ARHGEF4: variants seen among roughly 807,000 people sequenced by gnomAD.
ARHGEF4 encodes APC-stimulated guanine nucleotide exchange factor 1.
Under a neutral mutation model 162.0 loss-of-function variants are expected in ARHGEF4, and 119 were observed. That is an observed-to-expected ratio of 0.73 (90% CI 0.63 to 0.86). ARHGEF4 has a LOEUF of 0.86. Among genes scored for constraint, ARHGEF4 ranks in the 40% least tolerant of loss-of-function variants. The probability of loss-of-function intolerance (pLI) is 0.00; values close to 1 mark genes in which losing one functional copy is unlikely to be tolerated. For synonymous variants in ARHGEF4, 1,014 were observed against 979.9 expected, an observed-to-expected ratio of 1.03 and a Z score of -0.65; for missense variants, 2,488 against 2,456.0, an observed-to-expected ratio of 1.01 and a Z score of -0.28.
Position 130,999,338 on chromosome 2 carries a change from A to G in ARHGEF4, c.3986-28607A>G, listed in dbSNP as rs189788193. Among the ~76,000 whole-genome samples, 16 of 151,682 alleles carry G rather than the reference A, an allele frequency of 1.1e-4. No individual in the cohort carries two copies. The East Asian group carries it at 2.5e-3, about 24-fold the overall frequency. On this transcript the variant is annotated intron_variant, in intron 4 of 13. Coordinates refer to ENST00000409359, the MANE Select transcript of ARHGEF4 (RefSeq NM_001367493.1). ...CCTGGCTAATTTTTTTTGTATTTTT[A>G]GTAGAGACGGGGTTTTACCATGTTA... is the stretch of plus-strand genomic sequence containing the variant.
At chr2:130,938,262 G>A (rs1683082771) in intron 3 of ARHGEF4, among the ~76,000 whole-genome samples, 1 of 152,002 alleles carries the variant, frequency 6.6e-6, no homozygotes, top group African/African-American at 2.4e-5. Flanking sequence ...TTTTCGAGAG[G>A]GCTGTACCAT....
chr2:131,007,503 T>C (rs2105325100), intron 4 of ARHGEF4, among the ~76,000 whole-genome samples: 1 of 152,318 alleles, frequency 6.6e-6, no homozygotes, highest in South Asian at 2.1e-4. Context: ...AATATAAACG[T>C]GTTTGTTGCT....
In ARHGEF4 at chr2:131,038,988, C is replaced by G; in HGVS notation, c.4261C>G (p.Arg1421Gly). ...CACCAACAGAGAGTGGTGGTGGGGC[C>G]GGGTCGCCGATGGCGAGGGCTGGTT... ...DATNREWWWGRVADGEGWFPA... is the reference protein window; with the variant it reads ...DATNREWWWGGVADGEGWFPA... The change falls in exon 6 of 14, where the codon CGG becomes GGG. Residue 1421 changes from arginine (R) to glycine (G), a missense_variant. Transcript: ENST00000409359. The G allele has an allele frequency of 6.2e-7, 1 of 1,613,546 alleles. No homozygotes were observed. Among genetic ancestry groups the G allele is most frequent in the African/African-American group, 1.3e-5 (1 of 75,064 alleles).
At chr2:130,854,616 G>C (rs1681629659) in intron 1 of ARHGEF4, among the ~76,000 whole-genome samples, 1 of 152,208 alleles carries the variant, frequency 6.6e-6, no homozygotes, top group East Asian at 1.9e-4. Context: ...CCTGCTCCAA[G>C]CACAGCAGGC....
intron 6 of ARHGEF4, chr2:131,039,455 C>G: frequency 9.8e-7 from 1 of 1,023,754 alleles, no homozygotes; most frequent in Non-Finnish European, 1.2e-6. Context: ...AGAGAGGGGA[C>G]CTGGATTCCA....
chr2:131,020,453 C>A (rs1299536964), intron 4 of ARHGEF4, among the ~76,000 whole-genome samples: 1 of 150,178 alleles, frequency 6.7e-6, no homozygotes, highest in African/African-American at 2.5e-5. Flanking sequence ...GGTTTTTTGT[C>A]CTTGCGATAG....
chr2:130,954,780 T>C (rs1574293021), intron 4 of ARHGEF4, among the ~76,000 whole-genome samples: 1 of 152,222 alleles, frequency 6.6e-6, no homozygotes, highest in Non-Finnish European at 1.5e-5. Context: ...GGAATTATTT[T>C]ACTTGGAAAT....
rs933641144 is a variant in ARHGEF4, at chr2:130,916,790, C to A, written c.2844C>A (p.Arg948=). 6.4e-7 allele frequency: 1 copy of A among 1,550,512 alleles called. No homozygotes were observed. The highest frequency in any genetic ancestry group is 2.0e-5 in the Admixed American group (1 of 51,006). Reference sequence around the variant, plus strand: ...GCGAGAAGGAGAAGAGCAGGCTGCGCCAGGGTTCCTGGCGGGCGTTTCTGA... The same window carrying A: ...GCGAGAAGGAGAAGAGCAGGCTGCGACAGGGTTCCTGGCGGGCGTTTCTGA... The part of the protein sequence containing the change: ...PKGEKEKSRL[R]QGSWRAFLKS... The change falls in exon 2 of 14, where the codon CGC becomes CGA. Residue 948 remains arginine (R), a synonymous_variant. Coordinates refer to ENST00000409359, the MANE Select transcript of ARHGEF4 (RefSeq NM_001367493.1).
rs368079074 is a variant in ARHGEF4, at chr2:130,907,825, A to G, written c.40-6161A>G. Reference sequence around the variant, plus strand: ...CAAAAAATTAGCCAGGCGTGGTGGCATGCACCTATAGTCCCAGCTACTCGG... The same window carrying G: ...CAAAAAATTAGCCAGGCGTGGTGGCGTGCACCTATAGTCCCAGCTACTCGG... On this transcript the variant is annotated intron_variant, in intron 1 of 13. Coordinates refer to ENST00000409359, the MANE Select transcript of ARHGEF4 (RefSeq NM_001367493.1). Among the ~76,000 whole-genome samples, 5 of 151,650 alleles carry G rather than the reference A, an allele frequency of 3.3e-5. No individual in the cohort carries two copies. The East Asian group carries it at 6.0e-4, about 18-fold the overall frequency.
chr2:131,011,869 TGGG>T (rs1558848529), intron 4 of ARHGEF4: 2 of 706,170 alleles, frequency 2.8e-6, no homozygotes, highest in East Asian at 5.4e-5. Context: ...CCGTGAAGTG[TGGG>T]GGCGGCGGAG....
At chr2:130,864,927 C>T (rs930944024) in intron 1 of ARHGEF4, among the ~76,000 whole-genome samples, 1 of 152,190 alleles carries the variant, frequency 6.6e-6, no homozygotes, top group Non-Finnish European at 1.5e-5. Context: ...GTCTGAAGCA[C>T]CTTTCCTTTG....
At chr2:131,041,551 C>T in intron 9 of ARHGEF4, 89 bp downstream of exon 9, 1 of 1,364,986 alleles carries the variant, frequency 7.3e-7, no homozygotes, top group East Asian at 2.4e-5. Flanking sequence ...CTGGGCACTG[C>T]TGCAGCCCTG....
intron 1 of ARHGEF4, among the ~76,000 whole-genome samples, chr2:130,847,876 C>T (rs961925661): frequency 1.3e-5 from 2 of 152,218 alleles, no homozygotes; most frequent in Admixed American, 1.3e-4. Flanking sequence ...GGCCTGCGTG[C>T]CCTGACCCTC....
chr2:130,847,302 C>T (rs368395305), intron 1 of ARHGEF4, among the ~76,000 whole-genome samples: 5 of 152,156 alleles, frequency 3.3e-5, no homozygotes, highest in South Asian at 4.2e-4. Flanking sequence ...CCTCTTGAAT[C>T]GCTTTTCACC....
chr2:131,016,858 A>G (rs9973412), intron 4 of ARHGEF4, among the ~76,000 whole-genome samples: 151,416 of 152,346 alleles, frequency 0.99, 75,249 homozygotes, highest in Middle Eastern at 1. Flanking sequence ...GAGATGCATA[A>G]GGAGGACATT....
intron 4 of ARHGEF4, among the ~76,000 whole-genome samples, chr2:130,974,616 A>AT (rs70994726): frequency 0.011 from 1,501 of 134,232 alleles, 23 homozygotes; most frequent in African/African-American, 0.03. Flanking sequence ...ACACCCAGCT[A>AT]TTTTTTTTTT....
intron 4 of ARHGEF4, among the ~76,000 whole-genome samples, chr2:130,979,291 C>T (rs967208755): frequency 2.4e-4 from 36 of 152,110 alleles, no homozygotes; most frequent in African/African-American, 6.3e-4. Context: ...ATAAATATAA[C>T]TTGAAGGAAG....
Position 130,916,093 on chromosome 2 carries a change from T to A in ARHGEF4, c.2147T>A (p.Val716Glu), listed in dbSNP as rs1378580197. The change falls in exon 2 of 14, where the codon GTG becomes GAG. Residue 716 changes from valine (V) to glutamate (E), a missense_variant. By Grantham distance (121) the Val-to-Glu change is moderately radical. Coordinates refer to ENST00000409359, the MANE Select transcript of ARHGEF4 (RefSeq NM_001367493.1). ...RVAQAAELGR[V>E]LVPQAASEET... ...GCCCAGGCCGCAGAGCTTGGGAGAG[T>A]GCTGGTCCCCCAAGCTGCTTCGGAA... The A allele has an allele frequency of 1.9e-6, 3 of 1,549,230 alleles. No homozygotes were observed. Among genetic ancestry groups the A allele is most frequent in the Non-Finnish European group, 1.7e-6 (2 of 1,146,714 alleles).
At chr2:131,045,022 A>G (rs552224161) in intron 12 of ARHGEF4, among the ~76,000 whole-genome samples, 2 of 152,056 alleles carry the variant, frequency 1.3e-5, no homozygotes, top group African/African-American at 2.4e-5. Flanking sequence ...GGGCCCCCAC[A>G]TTACCCGCCA....
Sources: gnomAD v4.1 joint callset for allele counts (sites outside exome capture counted in the v4.1 genomes callset) on GRCh38, gnomAD v4.1.1 for gene constraint, MANE v1.5 for transcripts, NCBI Gene and HGNC (gene_info 2026-07-23, HGNC 2026-07-21) for gene names.